Variants in ABCC4 observed in about 807,000 individuals in gnomAD.
ABCC4 encodes the protein ATP-binding cassette sub-family C member 4.
ABCC4 carries 102 observed loss-of-function variants against 168.5 expected under a neutral mutation model. The ratio of observed to expected loss-of-function variants is 0.61; its 90% CI spans 0.52 to 0.71. ABCC4 has a LOEUF of 0.71. Ranked by LOEUF, ABCC4 falls within the 30% of genes least tolerant of loss-of-function variation. The probability of loss-of-function intolerance (pLI) is 0.00; values close to 1 mark genes in which losing one functional copy is unlikely to be tolerated. For synonymous variants in ABCC4, 617 were observed against 590.7 expected (o/e 1.04, Z -0.65); for missense variants, 1,402 against 1,605.8 (o/e 0.87, Z 2.17).
Position 95,176,748 on chromosome 13 carries a change from C to T in ABCC4, c.1727+959G>A, listed in dbSNP as rs113199427. ...CTGCAGGAGCATCTACCTCAGTGTG[C>T]GCAGAAGGGTTACAATGAGTGGGAA... is the stretch of plus-strand genomic sequence containing the variant. On this transcript the variant is annotated intron_variant, in intron 13 of 30. Coordinates refer to ENST00000645237, the MANE Select transcript of ABCC4 (RefSeq NM_005845.5). Among the ~76,000 whole-genome samples the T allele has an allele frequency of 2.1e-3, 318 of 152,214 alleles. 2 individuals are homozygous for T. Among genetic ancestry groups the T allele is most frequent in the African/African-American group, 7.3e-3 (305 of 41,520 alleles).
chr13:95,080,764 C>T (rs1156233162), intron 21 of ABCC4, among the ~76,000 whole-genome samples: 2 of 152,182 alleles, frequency 1.3e-5, no homozygotes, highest in South Asian at 2.1e-4. Flanking sequence ...TGAGCCAATG[C>T]GCCCGGCCCA....
At chr13:95,279,313 C>A (rs2041054202) in intron 1 of ABCC4, among the ~76,000 whole-genome samples, 1 of 152,224 alleles carries the variant, frequency 6.6e-6, no homozygotes, top group African/African-American at 2.4e-5. Flanking sequence ...GGGAATCAAT[C>A]AGGCAGCCCA....
chr13:95,169,170 G>C (rs1254423015), intron 14 of ABCC4, among the ~76,000 whole-genome samples: 1 of 152,142 alleles, frequency 6.6e-6, no homozygotes, highest in East Asian at 1.9e-4. Flanking sequence ...CGGACACCTT[G>C]ATTTTGGACT....
At chr13:95,053,279 T>C (rs1341977326) in intron 26 of ABCC4, 95 bp from the exon 27 acceptor site, 2 of 943,036 alleles carry the variant, frequency 2.1e-6, no homozygotes, top group East Asian at 5.0e-5. Flanking sequence ...TACCAAAAAA[T>C]AAAATTCATG....
intron 1 of ABCC4, among the ~76,000 whole-genome samples, chr13:95,287,442 C>G (rs970061820): frequency 8.6e-5 from 13 of 151,648 alleles, no homozygotes; most frequent in African/African-American, 3.2e-4. Flanking sequence ...CAAAAATTAG[C>G]TGGGCATGGT....
intron 19 of ABCC4, among the ~76,000 whole-genome samples, chr13:95,118,411 T>C (rs1290160554): frequency 6.6e-6 from 1 of 151,914 alleles, no homozygotes; most frequent in African/African-American, 2.4e-5. Context: ...GACCAGCTAA[T>C]TTCTGTATTT....
intron 27 of ABCC4, among the ~76,000 whole-genome samples, chr13:95,049,507 G>A (rs949940223): frequency 6.6e-6 from 1 of 151,976 alleles, no homozygotes; most frequent in Non-Finnish European, 1.5e-5. Context: ...CCGGCATGGT[G>A]GCAGGCACCT....
intron 30 of ABCC4, among the ~76,000 whole-genome samples, chr13:95,025,795 T>A (rs1334763791): frequency 6.6e-6 from 1 of 151,864 alleles, no homozygotes; most frequent in Non-Finnish European, 1.5e-5. Context: ...TCAAAGAAAA[T>A]GCAGCAGAAT....
intron 1 of ABCC4, among the ~76,000 whole-genome samples, chr13:95,256,807 G>A (rs1278645729): frequency 1.3e-5 from 2 of 151,882 alleles, no homozygotes; most frequent in African/African-American, 2.4e-5. Context: ...ACATTAATTA[G>A]TGCCTGTTCA....
At chr13:95,188,601 A>G in intron 9 of ABCC4, 59 bp from the exon 10 acceptor site, 4 of 1,362,738 alleles carry the variant, frequency 2.9e-6, no homozygotes, top group Non-Finnish European at 4.1e-6. Context: ...AATCACTTCA[A>G]AAAGAGAAGA....
At chr13:95,159,138 T>C (rs1474987967) in intron 19 of ABCC4, among the ~76,000 whole-genome samples, 1 of 131,050 alleles carries the variant, frequency 7.6e-6, no homozygotes, top group Admixed American at 7.8e-5. Flanking sequence ...TATATAACTA[T>C]TGAAGTGCAT....
intron 19 of ABCC4, among the ~76,000 whole-genome samples, chr13:95,153,456 A>G (rs1594192068): frequency 6.6e-6 from 1 of 152,154 alleles, no homozygotes; most frequent in East Asian, 1.9e-4. Context: ...GAGAACTTAC[A>G]TATATCGAGA....
chr13:95,164,232 C>T, intron 16 of ABCC4, 146 bp downstream of exon 16: 1 of 922,212 alleles, frequency 1.1e-6, no homozygotes, highest in Non-Finnish European at 1.6e-6. Flanking sequence ...GGACATGGAA[C>T]ACCAGTAGGC....
chr13:95,166,106 G>T, intron 15 of ABCC4, 52 bp downstream of exon 15: 2 of 1,461,674 alleles, frequency 1.4e-6, no homozygotes, highest in Non-Finnish European at 1.9e-6. Context: ...GATCCATAAG[G>T]CCATTAACAG....
chr13:95,075,476 T>C lies in ABCC4; in HGVS notation c.2762A>G (p.Glu921Gly). 1 of 1,614,146 alleles carries C rather than the reference T, an allele frequency of 6.2e-7. No homozygotes were observed. The highest frequency in any genetic ancestry group is 8.5e-7 in the Non-Finnish European group (1 of 1,179,998). Residue 921 changes from glutamate (E) to glycine (G), a missense_variant, in exon 22 of 31, where the codon GAG becomes GGG. Around this residue, in one of 3 missense-constraint regions of ABCC4, gnomAD observed 1,007 missense variants for 1,127.3 expected, o/e 0.89. Transcript: ENST00000645237. ...LWTIRAYKAE[E>G]RCQELFDAHQ... ...TGCATCAAACAGTTCCTGACACCTC[T>C]CTTCTGCTTTGTATGCCCGGATGGT... is the stretch of plus-strand genomic sequence containing the variant.
intron 19 of ABCC4, among the ~76,000 whole-genome samples, chr13:95,135,497 T>G (rs997422072): frequency 2.0e-5 from 3 of 151,834 alleles, no homozygotes; most frequent in Admixed American, 1.3e-4. Flanking sequence ...ACTGTAGCCT[T>G]GACCTCTCGG....
At chr13:95,088,792 A>G (rs546107857) in intron 20 of ABCC4, among the ~76,000 whole-genome samples, 1 of 152,190 alleles carries the variant, frequency 6.6e-6, no homozygotes, top group South Asian at 2.1e-4. Context: ...ATACCTTACA[A>G]AGATAGAAAA....
chr13:95,195,496 C>T (rs2038387627), intron 8 of ABCC4, among the ~76,000 whole-genome samples: 1 of 152,226 alleles, frequency 6.6e-6, no homozygotes, highest in Non-Finnish European at 1.5e-5. Flanking sequence ...CTGGCCTTCT[C>T]CTCCCTCGTG....
intron 19 of ABCC4, among the ~76,000 whole-genome samples, chr13:95,128,205 C>T (rs551802122): frequency 1.3e-5 from 2 of 152,192 alleles, no homozygotes; most frequent in South Asian, 4.1e-4. Context: ...AATAACAATT[C>T]GATGCCAATT....
Sources: gnomAD v4.1 joint callset for allele counts (sites outside exome capture counted in the v4.1 genomes callset) on GRCh38, gnomAD v4.1.1 for gene constraint, gnomAD v4.1.1 regional missense constraint, MANE v1.5 for transcripts, NCBI Gene and HGNC (gene_info 2026-07-23, HGNC 2026-07-21) for gene names.